Variants in NBPF14 observed in about 807,000 individuals in gnomAD.
NBPF14 encodes the protein NBPF family member NBPF14.
Under a neutral mutation model 91.2 loss-of-function variants are expected in NBPF14, and 104 were observed. The ratio of observed to expected loss-of-function variants is 1.14; its 90% CI spans 0.97 to 1.34. The LOEUF (loss-of-function observed/expected upper bound fraction) is 1.34. Among genes scored for constraint, NBPF14 ranks in the 40% most tolerant of loss-of-function variants. The pLI is 0.00. For synonymous variants in NBPF14, 294 were observed against 303.8 expected (o/e 0.97, Z 0.34); for missense variants, 908 against 783.0 (o/e 1.16, Z -1.91).
rs1655500835 is a variant in NBPF14, at chr1:148,539,289, C to A, written c.7882+121G>T. ...CAGTTTCTTTACAACCTATATGCGC[C>A]CATAGGTCCTGACTGCGGCAATGAC... On this transcript the variant is annotated intron_variant, in intron 63 of 70. Transcript: ENST00000619423. 4 of 637,658 alleles carry A rather than the reference C, an allele frequency of 6.3e-6. 1 individual carries two copies. The highest frequency in any genetic ancestry group is 3.3e-5 in the South Asian group (2 of 60,450). The allele number at this position is 637,658 out of a possible 1,614,324, so 39.5% of individuals were successfully genotyped here.
At chr1:148,534,189 T>A (rs1303963247) in intron 69 of NBPF14, among the ~76,000 whole-genome samples, 1 of 150,186 alleles carries the variant, frequency 6.7e-6, no homozygotes, top group Non-Finnish European at 1.5e-5. Context: ...TAGTAGATCG[T>A]TATCCCAATA....
chr1:148,578,134 G>T (rs1660294067), intron 13 of NBPF14, 100 bp from the exon 14 acceptor site: 17 of 729,598 alleles, frequency 2.3e-5, no homozygotes, highest in Non-Finnish European at 4.0e-5. Context: ...AGTCTTGTCA[G>T]TGTGAGAACA....
chr1:148,581,804 A>C (rs1469192168), intron 12 of NBPF14, among the ~76,000 whole-genome samples: 10 of 148,528 alleles, frequency 6.7e-5, no homozygotes, highest in South Asian at 2.2e-4. Flanking sequence ...TAACGACAGG[A>C]TCAAATTCAC....
At chr1:148,593,768 G>A (rs1662876032) in intron 2 of NBPF14, 68 bp from the exon 3 acceptor site, 1 of 1,120,298 alleles carries the variant, frequency 8.9e-7, no homozygotes, top group South Asian at 1.3e-5. Context: ...CTGCCTACAG[G>A]GCAGGAGCCA....
Position 148,572,432 on chromosome 1 carries a change from A to G in NBPF14, c.2758+11T>C, listed in dbSNP as rs1659248375. The G allele has an allele frequency of 2.1e-6, 1 of 479,136 alleles. No homozygotes were observed. Among genetic ancestry groups the G allele is most frequent in the East Asian group, 3.3e-5 (1 of 30,152 alleles). The allele number at this position is 479,136 out of a possible 1,614,324, so 29.7% of individuals were successfully genotyped here. A position where few individuals can be genotyped will look rare whatever the true frequency, so the allele number is the denominator to read the frequency against. On this transcript the variant is annotated intron_variant, in intron 21 of 70. Transcript: ENST00000619423. Reference sequence around the variant, plus strand: ...GGTGGAGGCTTATCACCTTCACAGTAAGGTACTCACTGTCCACGTCAAGAG... The same window carrying G: ...GGTGGAGGCTTATCACCTTCACAGTGAGGTACTCACTGTCCACGTCAAGAG...
At chr1:148,594,901 T>C (rs1187865547) in intron 2 of NBPF14, among the ~76,000 whole-genome samples, 2 of 103,106 alleles carry the variant, frequency 1.9e-5, no homozygotes, top group Admixed American at 1.7e-4. Flanking sequence ...TTTCTCCATG[T>C]TGCCCAGGCT....
exon 69 of NBPF14, chr1:148,534,757 G>C (rs1250054070): frequency 4.9e-6 from 4 of 819,838 alleles, no homozygotes; most frequent in Non-Finnish European, 8.6e-6. Context: ...GCTGGCCTAA[G>C]TCAGGCAGTT....
In NBPF14 at chr1:148,592,684, G is replaced by A. The variant is rs1357962374; in HGVS notation, c.361C>T (p.Arg121Cys). The A allele has an allele frequency of 9.7e-4, 1,543 of 1,588,374 alleles. 143 individuals carry two copies. Among genetic ancestry groups the A allele is most frequent in the Non-Finnish European group, 1.2e-3 (1,376 of 1,161,726 alleles). Residue 121 changes from arginine to cysteine, a missense_variant, in exon 4 of 71, where the codon CGC becomes TGC. Arg to Cys is a radical substitution (Grantham distance 180). Transcript: ENST00000619423. Reference sequence around the variant, plus strand: ...GCCTGGAGATGCTCATACAATGAGCGGGAGGCATCTCTCCCTTCCCGTAAC... The same window carrying A: ...GCCTGGAGATGCTCATACAATGAGCAGGAGGCATCTCTCCCTTCCCGTAAC...
chr1:148,533,280 C>A (rs587625271), intron 70 of NBPF14, 32 bp from the exon 71 acceptor site: 7 of 563,386 alleles, frequency 1.2e-5, no homozygotes, highest in African/African-American at 3.6e-5. Flanking sequence ...AAGAAGCAGC[C>A]AGGGAAAATC....
rs1404055862 is a variant in NBPF14, at chr1:148,571,234, G to C, written c.2811-197C>G. The stretch of plus-strand genomic sequence containing the variant: ...AAAGAATGAAAGAGAAAGACAGATA[G>C]ACACACACACACACACACACACACA... On this transcript the variant is annotated intron_variant, in intron 22 of 70. Coordinates refer to ENST00000619423, the Ensembl canonical transcript of NBPF14. Among the ~76,000 whole-genome samples the C allele has an allele frequency of 8.2e-4, 60 of 72,788 alleles. 2 individuals are homozygous for C. The East Asian group carries it at 0.015, about 18-fold the overall frequency. The allele number at this position is 72,788 out of a possible 152,430, so 47.8% of individuals were successfully genotyped here.
At chr1:148,534,617 A>T (rs1654674150) in intron 69 of NBPF14, 67 bp downstream of exon 69, 1 of 908,708 alleles carries the variant, frequency 1.1e-6, no homozygotes, top group African/African-American at 1.7e-5. Context: ...GGCCACTTGG[A>T]ATAGGAATAT....
intron 69 of NBPF14, 36 bp downstream of exon 69, chr1:148,534,648 G>C (rs1570902436): frequency 2.4e-5 from 21 of 861,586 alleles, no homozygotes; most frequent in Middle Eastern, 3.3e-4. Flanking sequence ...TGGAAGACCA[G>C]GTGGAGGCTT....
chr1:148,587,355 C>T lies in NBPF14; in HGVS notation c.1037G>A (p.Arg346Gln), dbSNP rs1412392011. 4.9e-5 allele frequency: 77 copies of T among 1,583,180 alleles called. 8 individuals carry two copies. Among genetic ancestry groups the T allele is most frequent in the South Asian group, 1.3e-4 (12 of 89,330 alleles). Reference sequence around the variant, plus strand: ...CGCAAGCTTCTCCTCCTTGAACTGTCGCTCATTCCTCAGCATAAATTTTAT... The same window carrying T: ...CGCAAGCTTCTCCTCCTTGAACTGTTGCTCATTCCTCAGCATAAATTTTAT... Residue 346 changes from arginine to glutamine, a missense_variant, in exon 8 of 71, where the codon CGA (arginine) becomes CAA (glutamine). By Grantham distance (43) the Arg-to-Gln change is conservative. Transcript: ENST00000619423.
chr1:148,587,488 T>C lies in NBPF14; in HGVS notation c.989-85A>G, dbSNP rs1248828776. 9.1e-6 allele frequency: 12 copies of C among 1,325,358 alleles called. 1 individual carries two copies. In the Admixed American group the frequency reaches 1.7e-4, roughly 19 times the overall value. The allele number at this position is 1,325,358 out of a possible 1,614,324, so 82.1% of individuals were successfully genotyped here. On this transcript the variant is annotated intron_variant, in intron 7 of 70. Transcript: ENST00000619423. ...GCCTACAGGACAGGAGCCAGGTCCA[T>C]CCCAAGGACAAAACTCTCCCCAGTA...
intron 37 of NBPF14, among the ~76,000 whole-genome samples, chr1:148,559,514 G>T (rs1391965379): frequency 3.2e-5 from 4 of 124,408 alleles, no homozygotes; most frequent in African/African-American, 8.4e-5. Context: ...CAAAATCAGA[G>T]TTGTGTGAAT....
chr1:148,576,265 A>G, intron 16 of NBPF14, 145 bp downstream of exon 16: 1 of 566,266 alleles, frequency 1.8e-6, no homozygotes, highest in East Asian at 3.5e-5. Flanking sequence ...CTAAGCATCT[A>G]CTGCAATGAA....
Position 148,575,821 on chromosome 1 carries a change from T to C in NBPF14, c.2079-10A>G, listed in dbSNP as rs1659586112. On this transcript the variant is annotated splice_polypyrimidine_tract_variant and intron_variant, in intron 16 of 70. Transcript: ENST00000619423. Reference sequence around the variant, plus strand: ...CAGCTCCCTGCTGAGCCTGGAAAAGTAGGAAAAAGTAAAGAATAAGCCAGG... The same window carrying C: ...CAGCTCCCTGCTGAGCCTGGAAAAGCAGGAAAAAGTAAAGAATAAGCCAGG... 1 of 313,830 alleles carries C rather than the reference T, an allele frequency of 3.2e-6. No homozygotes were observed. The highest frequency in any genetic ancestry group is 5.6e-5 in the Admixed American group (1 of 17,802). 19.4% of individuals were successfully genotyped at this position (313,830 alleles called of 1,614,324 possible).
At chr1:148,592,808 T>G in intron 3 of NBPF14, 42 bp from the exon 4 acceptor site, 1 of 1,345,974 alleles carries the variant, frequency 7.4e-7, no homozygotes, top group Non-Finnish European at 1.0e-6. Context: ...TAGAAAGGGT[T>G]GAGTGATCCG....
rs111940957 is a variant in NBPF14 at position 148,539,395 on chromosome 1, C to T, written c.7882+15G>A. 14 of 416,244 alleles carry T rather than the reference C, an allele frequency of 3.4e-5. 2 individuals carry two copies. Among genetic ancestry groups the T allele is most frequent in the African/African-American group, 6.9e-5 (1 of 14,530 alleles). 25.8% of individuals were successfully genotyped at this position (416,244 alleles called of 1,614,324 possible). A position where few individuals can be genotyped will look rare whatever the true frequency, so the allele number is the denominator to read the frequency against. The stretch of plus-strand genomic sequence containing the variant: ...ACCAGGTGGAGGCTTATCACCTTCA[C>T]AGTAAGGTACTCACTGTCCACGTCA... On this transcript the variant is annotated intron_variant, in intron 63 of 70. Coordinates refer to ENST00000619423, the Ensembl canonical transcript of NBPF14.
Sources: allele counts gnomAD v4.1 joint callset (sites outside exome capture counted in the v4.1 genomes callset), GRCh38; gene constraint gnomAD v4.1.1; transcripts MANE v1.5; gene names NCBI Gene and HGNC (gene_info 2026-07-23, HGNC 2026-07-21).